The following ERFL variants were observed in gnomAD, a reference collection of about 807,000 sequenced individuals.
The protein encoded by ERFL is ETS domain-containing transcription factor ERF-like.
A neutral mutation model predicts 27.9 loss-of-function variants in ERFL; 8 were observed. That is an observed-to-expected ratio of 0.29 (90% CI 0.17 to 0.52). ERFL has a LOEUF of 0.52. Among genes scored for constraint, ERFL ranks in the 20% least tolerant of loss-of-function variants. ERFL has a pLI of 0.97. For missense variants in ERFL, 294 were observed against 444.4 expected (o/e 0.66, Z 3.04); for synonymous variants, 174 against 202.8 (o/e 0.86, Z 1.21).
intron 1 of ERFL, among the ~76,000 whole-genome samples, chr19:41,913,886 AG>A (rs2074769921): frequency 7.7e-6 from 1 of 129,604 alleles, no homozygotes. Context: ...CCCTCCCCTC[AG>A]GCACTTCAGC....
Position 41,916,045 on chromosome 19 carries a change from C to T in ERFL, c.-13-3113G>A, listed in dbSNP as rs1356016125. The stretch of plus-strand genomic sequence containing the variant: ...CCCTTCGCCCCCCATCTCTACCGCC[C>T]GCAGCCATGGCACCGAATGTGTGTG... On this transcript the variant is annotated intron_variant, in intron 1 of 5. Transcript: ENST00000597630. The surrounding 1 kb of genome is among the most constrained non-coding windows in gnomAD (Gnocchi z 5.4). 1.3e-5 allele frequency among the ~76,000 whole-genome samples: 2 copies of T among 152,098 alleles called. No homozygotes were observed. The highest frequency in any genetic ancestry group is 2.4e-5 in the African/African-American group (1 of 41,402).
Position 41,908,788 on chromosome 19 carries a change from G to C in ERFL, c.617-112C>G. Reference sequence around the variant, plus strand: ...CATCTCCCCGCATCCCTCCTACATGGCATCTTACCCCCTCATACAGCTTCC... The same window carrying C: ...CATCTCCCCGCATCCCTCCTACATGCCATCTTACCCCCTCATACAGCTTCC... On this transcript the variant is annotated intron_variant, in intron 5 of 5. Transcript: ENST00000597630. The surrounding 1 kb of genome is among the most constrained non-coding windows in gnomAD (Gnocchi z 6.7). 1.9e-6 allele frequency: 1 copy of C among 540,428 alleles called. No individual in the cohort carries two copies. The highest frequency in any genetic ancestry group is 2.8e-6 in the Non-Finnish European group (1 of 356,946). 33.5% of individuals were successfully genotyped at this position (540,428 alleles called of 1,614,324 possible).
Position 41,914,583 on chromosome 19 carries a change from CTCCCTTTCCACCATCTCTGTCTCTCCCT to C in ERFL, c.-13-1679_-13-1652del, listed in dbSNP as rs2074777498. 3.3e-5 allele frequency among the ~76,000 whole-genome samples: 2 copies of C among 60,938 alleles called. 1 individual carries two copies. Among genetic ancestry groups the C allele is most frequent in the Non-Finnish European group, 6.5e-5 (2 of 30,984 alleles). The allele number at this position is 60,938 out of a possible 152,430, so 40.0% of individuals were successfully genotyped here. On this transcript the variant is annotated intron_variant, in intron 1 of 5. Coordinates refer to ENST00000597630, the MANE Select transcript of ERFL (RefSeq NM_001365103.2). ...CCACCATCTCTGTCTCCGTCTCTCC[CTCCCTTTCCACCATCTCTGTCTCTCCCT>C]CCCCTTCCACCATCTCTGTCTCTGT...
chr19:41,925,574 C>A (rs1413264862), intron 1 of ERFL, among the ~76,000 whole-genome samples: 1 of 151,990 alleles, frequency 6.6e-6, no homozygotes, highest in Non-Finnish European at 1.5e-5. Flanking sequence ...TGGAGGAAGG[C>A]ATAATGGCAG....
chr19:41,911,746 C>T (rs1568830119), intron 2 of ERFL, among the ~76,000 whole-genome samples: 1 of 152,142 alleles, frequency 6.6e-6, no homozygotes, highest in East Asian at 1.9e-4. Flanking sequence ...ACCCACAGGA[C>T]CCCAAGGTGA....
intron 1 of ERFL, among the ~76,000 whole-genome samples, chr19:41,915,932 A>AC (rs1387457522): frequency 7.0e-6 from 1 of 142,226 alleles, no homozygotes; most frequent in East Asian, 2.1e-4. Context: ...ACAATCCCCC[A>AC]CCCCCCTCCC....
At position 41,908,799 on chromosome 19, in the gene ERFL, C is replaced by T. The variant is rs2074734585; in HGVS notation, c.617-123G>A. The stretch of plus-strand genomic sequence containing the variant: ...ATCCCTCCTACATGGCATCTTACCC[C>T]CTCATACAGCTTCCCCCAACTCCAT... On this transcript the variant is annotated intron_variant, in intron 5 of 5. Coordinates refer to ENST00000597630, the MANE Select transcript of ERFL (RefSeq NM_001365103.2). The surrounding 1 kb of genome is among the most constrained non-coding windows in gnomAD (Gnocchi z 6.7). The T allele has an allele frequency of 3.9e-6, 2 of 506,412 alleles. No homozygotes were observed. The allele number at this position is 506,412 out of a possible 1,614,324, so 31.4% of individuals were successfully genotyped here. A position where few individuals can be genotyped will look rare whatever the true frequency, so the allele number is the denominator to read the frequency against.
Position 41,910,959 on chromosome 19 carries a change from C to T in ERFL, c.68-862G>A, listed in dbSNP as rs1555851192. Reference sequence around the variant, plus strand: ...AGAATTACACATCTCAAGACTGGGACTTACTAACAACACAAATGCCTGACA... The same window carrying T: ...AGAATTACACATCTCAAGACTGGGATTTACTAACAACACAAATGCCTGACA... On this transcript the variant is annotated intron_variant, in intron 2 of 5. Coordinates refer to ENST00000597630, the MANE Select transcript of ERFL (RefSeq NM_001365103.2). This position sits in a 1 kb window ranked among gnomAD's most constrained non-coding sequence, Gnocchi z 4.4. Among the ~76,000 whole-genome samples, 1 of 152,290 alleles carries T rather than the reference C, an allele frequency of 6.6e-6. No individual in the cohort carries two copies. The highest frequency in any genetic ancestry group is 2.4e-5 in the African/African-American group (1 of 41,550).
chr19:41,927,850 C>T (rs1320623524), intron 1 of ERFL, among the ~76,000 whole-genome samples, 190 bp downstream of exon 1: 4 of 152,046 alleles, frequency 2.6e-5, no homozygotes, highest in Non-Finnish European at 5.9e-5. Context: ...CCGCCTCCCA[C>T]CTTCCCAGAG....
rs1019298851 is a variant in ERFL, at chr19:41,921,844, G to C, written c.-14+6196C>G. The stretch of plus-strand genomic sequence containing the variant: ...CCTAGGAGGTTGGTGTCCCCTGGGA[G>C]TCCGACCCATCCCAGCTTCAAAGCC... On this transcript the variant is annotated intron_variant, in intron 1 of 5. Coordinates refer to ENST00000597630, the MANE Select transcript of ERFL (RefSeq NM_001365103.2). The surrounding 1 kb of genome is among the most constrained non-coding windows in gnomAD (Gnocchi z 4.4). 6.6e-6 allele frequency among the ~76,000 whole-genome samples: 1 copy of C among 151,822 alleles called. No homozygotes were observed. Among genetic ancestry groups the C allele is most frequent in the African/African-American group, 2.4e-5 (1 of 41,268 alleles).
intron 1 of ERFL, among the ~76,000 whole-genome samples, chr19:41,914,858 T>TC (rs782588544): frequency 1.4e-4 from 1 of 7,208 alleles, no homozygotes; most frequent in South Asian, 6.4e-3. Flanking sequence ...TCTCCCCCCC[T>TC]CCACCATCTC....
chr19:41,912,928 C>T lies in ERFL; in HGVS notation c.-9G>A, dbSNP rs1463141684. 28 of 1,230,084 alleles carry T rather than the reference C, an allele frequency of 2.3e-5. No individual in the cohort carries two copies. The highest frequency in any genetic ancestry group is 2.8e-5 in the Non-Finnish European group (28 of 986,732). 76.2% of individuals were successfully genotyped at this position (1,230,084 alleles called of 1,614,324 possible). The stretch of plus-strand genomic sequence containing the variant: ...ACGCAGCTACAGTCCATGGCGGAGC[C>T]GGCCCTGCAGAGGCCGGGAGGGACA... On this transcript the variant is annotated 5_prime_UTR_variant, in exon 2 of 6. Coordinates refer to ENST00000597630, the MANE Select transcript of ERFL (RefSeq NM_001365103.2).
intron 1 of ERFL, among the ~76,000 whole-genome samples, chr19:41,922,374 G>C (rs1426448374): frequency 1.3e-5 from 2 of 152,222 alleles, no homozygotes; most frequent in Non-Finnish European, 1.5e-5. Context: ...AAGAGACAGG[G>C]TCAGAGGGCT....
Position 41,910,151 on chromosome 19 carries a change from C to T in ERFL, c.68-54G>A. The T allele has an allele frequency of 6.6e-7, 1 of 1,525,360 alleles. No individual in the cohort carries two copies. The allele number at this position is 1,525,360 out of a possible 1,614,324, so 94.5% of individuals were successfully genotyped here. ...GGGTCAGGATGCCAAGTCCAGGGCT[C>T]TGGGTCCTGCTGGACTCAGTAACCT... On this transcript the variant is annotated intron_variant, in intron 2 of 5. Coordinates refer to ENST00000597630, the MANE Select transcript of ERFL (RefSeq NM_001365103.2). This position sits in a 1 kb window ranked among gnomAD's most constrained non-coding sequence, Gnocchi z 4.4.
chr19:41,926,794 C>A (rs1470048030), intron 1 of ERFL, among the ~76,000 whole-genome samples: 2 of 152,156 alleles, frequency 1.3e-5, no homozygotes, highest in Non-Finnish European at 2.9e-5. Context: ...AGCGACCGAT[C>A]GATTCGCTAT....
At chr19:41,922,820 T>C (rs2074850067) in intron 1 of ERFL, among the ~76,000 whole-genome samples, 1 of 152,198 alleles carries the variant, frequency 6.6e-6, no homozygotes, top group African/African-American at 2.4e-5. Flanking sequence ...TAAATTATTG[T>C]GACAAGATGC....
intron 1 of ERFL, among the ~76,000 whole-genome samples, chr19:41,922,719 G>A (rs1219546924): frequency 3.3e-5 from 5 of 152,178 alleles, no homozygotes; most frequent in Admixed American, 1.3e-4. Flanking sequence ...CACAAGGGCC[G>A]GGGTCCAGCC....
At position 41,909,221 on chromosome 19, in the gene ERFL, T is replaced by A; in HGVS notation, c.499-44A>T. The A allele has an allele frequency of 8.1e-7, 1 of 1,231,040 alleles. No homozygotes were observed. Among genetic ancestry groups the A allele is most frequent in the Non-Finnish European group, 1.0e-6 (1 of 987,554 alleles). 76.3% of individuals were successfully genotyped at this position (1,231,040 alleles called of 1,614,324 possible). On this transcript the variant is annotated intron_variant, in intron 4 of 5. Transcript: ENST00000597630. This position sits in a 1 kb window ranked among gnomAD's most constrained non-coding sequence, Gnocchi z 5.2. ...AAGCCGCCCTTCTCAGACTGTCCCC[T>A]CCCCAGAGTGGGCACCAAGTGCCTC...
At chr19:41,927,576 G>A (rs2074879104) in intron 1 of ERFL, among the ~76,000 whole-genome samples, 1 of 151,936 alleles carries the variant, frequency 6.6e-6, no homozygotes, top group South Asian at 2.1e-4. Flanking sequence ...CGCCCCAAGT[G>A]TCCAGTCTCT....
Sources: gnomAD v4.1 joint callset for allele counts (sites outside exome capture counted in the v4.1 genomes callset) on GRCh38, gnomAD v4.1.1 for gene constraint, Gnocchi (gnomAD v3.1) non-coding constraint, MANE v1.5 for transcripts, NCBI Gene and HGNC (gene_info 2026-07-23, HGNC 2026-07-21) for gene names.